EIF4G3: variants seen among roughly 807,000 people sequenced by gnomAD.
The protein encoded by EIF4G3 is eukaryotic translation initiation factor 4 gamma 3, also known as eIF-4-gamma 3.
A neutral mutation model predicts 186.4 loss-of-function variants in EIF4G3; 34 were observed. That is an observed-to-expected ratio of 0.18 (90% CI 0.14 to 0.24). EIF4G3 has a LOEUF of 0.24. Among genes scored for constraint, EIF4G3 ranks in the 10% least tolerant of loss-of-function variants. The pLI, the probability that EIF4G3 is intolerant of heterozygous loss-of-function variation, is 1.00. For synonymous variants in EIF4G3, 673 were observed against 679.5 expected (o/e 0.99, Z 0.15); for missense variants, 1,536 against 1,948.5 (o/e 0.79, Z 3.99).
In EIF4G3 at chr1:20,921,395, A is replaced by G. The variant is rs537866542; in HGVS notation, c.1664-16424T>C. ...GGCTCAATAGAAACCATTAATCTGAATGCAGTGTTGAAGCGGTGTATCAGC... is the reference window on the plus strand; with the variant it reads ...GGCTCAATAGAAACCATTAATCTGAGTGCAGTGTTGAAGCGGTGTATCAGC... On this transcript the variant is annotated intron_variant, in intron 14 of 36. Transcript: ENST00000602326. Among the ~76,000 whole-genome samples, 169 of 152,316 alleles carry G rather than the reference A, an allele frequency of 1.1e-3. 1 individual carries two copies. The highest frequency in any genetic ancestry group is 3.9e-3 in the African/African-American group (164 of 41,574).
Position 20,896,807 on chromosome 1 carries a change from T to C in EIF4G3, c.2000-1306A>G, listed in dbSNP as rs148845321. 1.6e-3 allele frequency among the ~76,000 whole-genome samples: 241 copies of C among 152,350 alleles called. 3 individuals are homozygous for C. Among genetic ancestry groups the C allele is most frequent in the African/African-American group, 5.5e-3 (229 of 41,574 alleles). The stretch of plus-strand genomic sequence containing the variant: ...TATAGTATTTTTACTATACCTTTTC[T>C]ATGTTTAGTTATATTTAGATACACA... On this transcript the variant is annotated intron_variant, in intron 16 of 36. Transcript: ENST00000602326.
chr1:21,008,202 G>A (rs1281629394), intron 4 of EIF4G3, among the ~76,000 whole-genome samples: 3 of 152,184 alleles, frequency 2.0e-5, no homozygotes, highest in East Asian at 1.9e-4. Flanking sequence ...CTATTTTATA[G>A]AGTTCTAAAT....
intron 12 of EIF4G3, among the ~76,000 whole-genome samples, chr1:20,955,436 T>C (rs1474398060): frequency 1.3e-5 from 2 of 152,022 alleles, no homozygotes; most frequent in Non-Finnish European, 2.9e-5. Context: ...GGTCCCAGTA[T>C]TTTGCCTGGG....
chr1:20,959,441 T>C (rs958737124), intron 12 of EIF4G3, among the ~76,000 whole-genome samples: 2 of 151,864 alleles, frequency 1.3e-5, no homozygotes, highest in African/African-American at 2.4e-5. Context: ...TTCTAGAAGA[T>C]AACATTGGAA....
intron 15 of EIF4G3, among the ~76,000 whole-genome samples, chr1:20,904,659 T>C (rs1031164866): frequency 7.2e-5 from 11 of 152,182 alleles, no homozygotes; most frequent in African/African-American, 2.7e-4. Context: ...AGTTTGTTAT[T>C]TTAAAAGAGG....
At chr1:20,866,516 G>A (rs974037038) in intron 20 of EIF4G3, among the ~76,000 whole-genome samples, 1 of 152,062 alleles carries the variant, frequency 6.6e-6, no homozygotes, top group Admixed American at 6.6e-5. Flanking sequence ...CCAAATTTAG[G>A]CTACATAAAT....
intron 11 of EIF4G3, among the ~76,000 whole-genome samples, chr1:20,970,455 T>C (rs1213376040): frequency 1.3e-5 from 2 of 150,158 alleles, no homozygotes; most frequent in Admixed American, 6.6e-5. Context: ...CTACTAACAA[T>C]ACAAAAAATT....
chr1:21,143,359 A>T lies in EIF4G3; in HGVS notation c.-272+32816T>A, dbSNP rs145495638. Among the ~76,000 whole-genome samples the T allele has an allele frequency of 8.6e-5, 13 of 151,934 alleles. No individual in the cohort carries two copies. The East Asian group carries it at 1.5e-3, about 18-fold the overall frequency. On this transcript the variant is annotated intron_variant, in intron 2 of 36. Transcript: ENST00000602326. ...AGGAAGAAGGAGAAGAAGGAGAAAG[A>T]GAAGGAAAGGAAAGGAAAGGGGAAA...
intron 2 of EIF4G3, among the ~76,000 whole-genome samples, chr1:21,127,502 A>G (rs66978823): frequency 0.027 from 4,182 of 152,334 alleles, 87 homozygotes; most frequent in Non-Finnish European, 0.038. Context: ...ATTCATTGCT[A>G]TATCCTCAGC....
At chr1:20,924,356 G>T (rs2094711104) in intron 14 of EIF4G3, among the ~76,000 whole-genome samples, 1 of 152,008 alleles carries the variant, frequency 6.6e-6, no homozygotes, top group African/African-American at 2.4e-5. Context: ...GATACAAATG[G>T]TATCAGAAAT....
intron 20 of EIF4G3, among the ~76,000 whole-genome samples, chr1:20,877,283 T>C (rs1231703468): frequency 6.6e-6 from 1 of 152,276 alleles, no homozygotes; most frequent in African/African-American, 2.4e-5. Context: ...AGCCCAGAAA[T>C]GGAGAATTAG....
chr1:20,960,455 C>G (rs1364396777), intron 12 of EIF4G3, among the ~76,000 whole-genome samples: 1 of 151,764 alleles, frequency 6.6e-6, no homozygotes, highest in African/African-American at 2.4e-5. Context: ...AACAGAGACT[C>G]TGTTTCAAAA....
intron 2 of EIF4G3, chr1:21,162,172 C>T (rs934745697): frequency 6.6e-6 from 1 of 152,336 alleles, no homozygotes; most frequent in East Asian, 1.9e-4. Flanking sequence ...AAATAATTTC[C>T]ATGTCTGTCT....
intron 20 of EIF4G3, among the ~76,000 whole-genome samples, chr1:20,868,853 CAA>C (rs1183157285): frequency 1.7e-4 from 26 of 152,160 alleles, no homozygotes; most frequent in Admixed American, 1.4e-3. Context: ...AGTAAACTAA[CAA>C]TGTGGCATTA....
intron 18 of EIF4G3, among the ~76,000 whole-genome samples, chr1:20,888,932 A>T (rs1447356377): frequency 6.6e-6 from 1 of 151,904 alleles, no homozygotes; most frequent in Non-Finnish European, 1.5e-5. Flanking sequence ...GCTAAGAGGT[A>T]TGGGCTACAC....
intron 12 of EIF4G3, among the ~76,000 whole-genome samples, chr1:20,963,605 A>G (rs2154564869): frequency 6.6e-6 from 1 of 152,266 alleles, no homozygotes; most frequent in East Asian, 1.9e-4. Flanking sequence ...TTCTAGAAGC[A>G]GGGGGGAAAA....
chr1:21,025,392 C>T (rs61779064), intron 4 of EIF4G3, among the ~76,000 whole-genome samples: 9,622 of 152,112 alleles, frequency 0.063, 387 homozygotes, highest in Non-Finnish European at 0.093. Flanking sequence ...GGGATCTATT[C>T]CGACAGCCCA....
chr1:21,129,163 A>T (rs1240235418), intron 2 of EIF4G3, among the ~76,000 whole-genome samples: 1 of 151,832 alleles, frequency 6.6e-6, no homozygotes, highest in East Asian at 1.9e-4. Flanking sequence ...AAATACAAAA[A>T]AATTAGCCAG....
chr1:20,934,661 T>C (rs1184272712), intron 14 of EIF4G3, among the ~76,000 whole-genome samples: 1 of 152,112 alleles, frequency 6.6e-6, no homozygotes, highest in African/African-American at 2.4e-5. Context: ...TGTAGTTGCA[T>C]TCACACCACT....
Sources: allele counts gnomAD v4.1 joint callset (sites outside exome capture counted in the v4.1 genomes callset), GRCh38; gene constraint gnomAD v4.1.1; transcripts MANE v1.5; gene names NCBI Gene and HGNC (gene_info 2026-07-23, HGNC 2026-07-21).